PDLIM1: variants seen among roughly 807,000 people sequenced by gnomAD.
The protein encoded by PDLIM1 is PDZ and LIM domain 1, also known as PDZ and LIM domain protein 1.
Under a neutral mutation model 35.2 loss-of-function variants are expected in PDLIM1, and 25 were observed. The observed-to-expected ratio is 0.71, with a 90% CI of 0.52 to 0.99. The LOEUF is 0.99. Among genes scored for constraint, PDLIM1 ranks in the 50% least tolerant of loss-of-function variants. The pLI, the probability that PDLIM1 is intolerant of heterozygous loss-of-function variation, is 0.00. For missense variants in PDLIM1, 363 were observed against 415.3 expected, an observed-to-expected ratio of 0.87 and a Z score of 1.09; for synonymous variants, 152 against 154.0, an observed-to-expected ratio of 0.99 and a Z score of 0.10.
chr10:95,255,035 C>G (rs2035298113), intron 4 of PDLIM1, among the ~76,000 whole-genome samples: 1 of 151,722 alleles, frequency 6.6e-6, no homozygotes, highest in Non-Finnish European at 1.5e-5. Context: ...ATTAGAAAAC[C>G]TAGAAGAAAT....
At chr10:95,265,535 C>T (rs977123626) in intron 3 of PDLIM1, among the ~76,000 whole-genome samples, 125 of 128,766 alleles carry the variant, frequency 9.7e-4, no homozygotes, top group African/African-American at 3.5e-3. Context: ...GCAGAGGTTG[C>T]GGTGAGCCGA....
At chr10:95,276,339 T>G (rs1374712227) in intron 1 of PDLIM1, among the ~76,000 whole-genome samples, 1 of 150,684 alleles carries the variant, frequency 6.6e-6, no homozygotes, top group Non-Finnish European at 1.5e-5. Context: ...TGCAGTGGCC[T>G]TCTACATAGG....
At position 95,247,066 on chromosome 10, in the gene PDLIM1, CCTCT is replaced by C. The variant is rs374508493; in HGVS notation, c.685+145_685+148del. 509 of 667,528 alleles carry C rather than the reference CCTCT, an allele frequency of 7.6e-4. 1 individual carries two copies. The highest frequency in any genetic ancestry group is 7.5e-3 in the African/African-American group (416 of 55,416). 41.4% of individuals were successfully genotyped at this position (667,528 alleles called of 1,614,324 possible). Reference sequence around the variant, plus strand: ...CTCTTCCTCTCTCTCTCTCTCTCTCCCTCTATCTCTTTTTAAAGAATTTCAGCAT... The same window carrying C: ...CTCTTCCTCTCTCTCTCTCTCTCTCCATCTCTTTTTAAAGAATTTCAGCAT... On this transcript the variant is annotated intron_variant, in intron 5 of 6. Coordinates refer to ENST00000329399, the MANE Select transcript of PDLIM1 (RefSeq NM_020992.4).
chr10:95,284,968 C>CT (rs1171220960), intron 1 of PDLIM1, among the ~76,000 whole-genome samples: 2 of 152,150 alleles, frequency 1.3e-5, no homozygotes, highest in African/African-American at 4.8e-5. Context: ...CAGGAATTAC[C>CT]TTTTTTGTCT....
At chr10:95,265,818 T>G (rs1304744566) in intron 3 of PDLIM1, among the ~76,000 whole-genome samples, 2 of 151,998 alleles carry the variant, frequency 1.3e-5, no homozygotes, top group East Asian at 1.9e-4. Context: ...AGGAGGATCA[T>G]GTAAGCCCAT....
chr10:95,257,019 AAAGAAAGAAAGAAAG>A (rs2035320485), intron 4 of PDLIM1, among the ~76,000 whole-genome samples: 1 of 149,776 alleles, frequency 6.7e-6, no homozygotes, highest in South Asian at 2.1e-4. Context: ...AGAAAGAAAG[AAAGAAAGAAAGAAAG>A]AAAGAATTCA....
At chr10:95,272,452 C>T (rs45609537) in intron 1 of PDLIM1, among the ~76,000 whole-genome samples, 4 of 152,126 alleles carry the variant, frequency 2.6e-5, no homozygotes, top group East Asian at 1.9e-4. Context: ...CCAAGGCAGG[C>T]GGATCACCTG....
intron 1 of PDLIM1, among the ~76,000 whole-genome samples, chr10:95,281,488 TGGGA>T (rs1028136358): frequency 2.6e-5 from 4 of 152,138 alleles, no homozygotes; most frequent in African/African-American, 9.7e-5. Context: ...TCGCTTAAAC[TGGGA>T]GGAAGTGGAG....
At chr10:95,244,396 T>C (rs1424525764) in intron 5 of PDLIM1, among the ~76,000 whole-genome samples, 1 of 152,194 alleles carries the variant, frequency 6.6e-6, no homozygotes, top group African/African-American at 2.4e-5. Context: ...GTCCTGGCTA[T>C]TAGCTTCAAT....
At chr10:95,244,101 A>T (rs958326858) in intron 5 of PDLIM1, among the ~76,000 whole-genome samples, 22 of 152,168 alleles carry the variant, frequency 1.4e-4, no homozygotes, top group Admixed American at 4.6e-4. Flanking sequence ...AAGATGGTAA[A>T]TTTTATATTA....
intron 5 of PDLIM1, among the ~76,000 whole-genome samples, chr10:95,243,881 T>C (rs1011801730): frequency 6.6e-5 from 10 of 152,186 alleles, no homozygotes; most frequent in Admixed American, 6.5e-4. Flanking sequence ...TGACACCACT[T>C]ATACAAGGTA....
chr10:95,260,965 C>T (rs1329816739), intron 4 of PDLIM1, among the ~76,000 whole-genome samples: 2 of 152,236 alleles, frequency 1.3e-5, no homozygotes, highest in Non-Finnish European at 2.9e-5. Context: ...GGCAGCTCCT[C>T]TGCCTTAGGC....
intron 5 of PDLIM1, among the ~76,000 whole-genome samples, chr10:95,244,584 C>G (rs558298746): frequency 6.6e-6 from 1 of 152,312 alleles, no homozygotes; most frequent in South Asian, 2.1e-4. Context: ...CTTAACCTTT[C>G]ACCATTTTAT....
chr10:95,254,960 A>G (rs764273099), intron 4 of PDLIM1, among the ~76,000 whole-genome samples: 1 of 152,182 alleles, frequency 6.6e-6, no homozygotes, highest in Non-Finnish European at 1.5e-5. Context: ...TGAAAGAGAC[A>G]TTACAACTAA....
intron 4 of PDLIM1, among the ~76,000 whole-genome samples, chr10:95,262,453 G>A (rs776001358): frequency 3.9e-5 from 6 of 152,100 alleles, no homozygotes; most frequent in Non-Finnish European, 7.4e-5. Flanking sequence ...TTAAAAATCA[G>A]GAGATTTCCG....
chr10:95,265,638 G>T (rs1381519617), intron 3 of PDLIM1, among the ~76,000 whole-genome samples: 1 of 148,734 alleles, frequency 6.7e-6, no homozygotes, highest in Non-Finnish European at 1.5e-5. Context: ...CTTTTGGCTG[G>T]GTGCAGTGGC....
In PDLIM1 at chr10:95,241,825, GGT is replaced by G. The variant is rs146777321; in HGVS notation, c.686-3142_686-3141del. ...GCTTGAATGAGAGGACTCGGGGCCT[GGT>G]CCAGCCCTGCCAAGCCCAGCAGAGC... On this transcript the variant is annotated intron_variant, in intron 5 of 6. Coordinates refer to ENST00000329399, the MANE Select transcript of PDLIM1 (RefSeq NM_020992.4). Among the ~76,000 whole-genome samples, 348 of 152,292 alleles carry G rather than the reference GGT, an allele frequency of 2.3e-3. 2 individuals carry two copies. Among genetic ancestry groups the G allele is most frequent in the African/African-American group, 7.9e-3 (327 of 41,568 alleles).
At chr10:95,277,138 C>G (rs2035518996) in intron 1 of PDLIM1, among the ~76,000 whole-genome samples, 1 of 151,896 alleles carries the variant, frequency 6.6e-6, no homozygotes, top group Non-Finnish European at 1.5e-5. Flanking sequence ...TAGCTTGTAC[C>G]CAGGAGGTAG....
chr10:95,264,552 T>C (rs938519316), intron 3 of PDLIM1, among the ~76,000 whole-genome samples: 3 of 152,148 alleles, frequency 2.0e-5, no homozygotes, highest in African/African-American at 7.2e-5. Context: ...GAGGGTGTGG[T>C]GTCACAGGGG....
Sources: gnomAD v4.1 joint callset for allele counts (sites outside exome capture counted in the v4.1 genomes callset) on GRCh38, gnomAD v4.1.1 for gene constraint, MANE v1.5 for transcripts, NCBI Gene and HGNC (gene_info 2026-07-23, HGNC 2026-07-21) for gene names.